Variants in GALNT2 observed in about 807,000 individuals in gnomAD.
GALNT2 encodes the protein polypeptide N-acetylgalactosaminyltransferase 2, also known as UDP-GalNAc:polypeptide N-acetylgalactosaminyltransferase 2.
In GALNT2, 31 loss-of-function variants were observed where a neutral mutation model predicts 81.4. The ratio of observed to expected loss-of-function variants is 0.38; its 90% CI spans 0.29 to 0.51. The LOEUF (loss-of-function observed/expected upper bound fraction) is 0.51, where lower values mean the gene tolerates loss of function less well. GALNT2 is among the 20% of genes least tolerant of loss of function. The pLI, the probability that GALNT2 is intolerant of heterozygous loss-of-function variation, is 0.87. For missense variants in GALNT2, 629 were observed against 765.7 expected, an observed-to-expected ratio of 0.82 and a Z score of 2.11; for synonymous variants, 303 against 287.4, an observed-to-expected ratio of 1.05 and a Z score of -0.55.
At chr1:230,242,462 G>C (rs940681410) in intron 6 of GALNT2, among the ~76,000 whole-genome samples, 1 of 152,104 alleles carries the variant, frequency 6.6e-6, no homozygotes, top group African/African-American at 2.4e-5. Context: ...CACATAGAAA[G>C]CCCAGCATAT....
intron 1 of GALNT2, among the ~76,000 whole-genome samples, chr1:230,089,565 T>G (rs558574245): frequency 6.6e-6 from 1 of 152,152 alleles, no homozygotes; most frequent in South Asian, 2.1e-4. Flanking sequence ...AAACAGTAAC[T>G]CTCCATTCTC....
At chr1:230,090,220 C>G (rs776162774) in intron 1 of GALNT2, among the ~76,000 whole-genome samples, 1 of 152,208 alleles carries the variant, frequency 6.6e-6, no homozygotes, top group Non-Finnish European at 1.5e-5. Context: ...TAATCCCAGG[C>G]AACCTCTTCT....
chr1:230,161,297 A>G (rs2281722), intron 1 of GALNT2, among the ~76,000 whole-genome samples: 8,794 of 152,268 alleles, frequency 0.058, 771 homozygotes, highest in East Asian at 0.4. Flanking sequence ...CCCCAGTAGC[A>G]TAGACCAGCT....
At chr1:230,244,411 T>A (rs1665300961) in intron 7 of GALNT2, among the ~76,000 whole-genome samples, 1 of 152,128 alleles carries the variant, frequency 6.6e-6, no homozygotes, top group Non-Finnish European at 1.5e-5. Flanking sequence ...AATCCCTATC[T>A]GAGCCCCTCT....
At chr1:230,145,100 G>A (rs1661873276) in intron 1 of GALNT2, among the ~76,000 whole-genome samples, 1 of 151,780 alleles carries the variant, frequency 6.6e-6, no homozygotes, top group Admixed American at 6.6e-5. Flanking sequence ...GCATCTGCAG[G>A]CTCTCACTCA....
At chr1:230,227,987 A>T (rs1664765286) in intron 3 of GALNT2, among the ~76,000 whole-genome samples, 1 of 152,224 alleles carries the variant, frequency 6.6e-6, no homozygotes, top group Non-Finnish European at 1.5e-5. Context: ...ACTGACTATC[A>T]GAACAAATAA....
intron 2 of GALNT2, among the ~76,000 whole-genome samples, chr1:230,191,616 G>A (rs1332084918): frequency 2.6e-5 from 4 of 152,198 alleles, no homozygotes; most frequent in Admixed American, 2.0e-4. Flanking sequence ...GGCTTAAGCA[G>A]TCCTCCTGCT....
intron 14 of GALNT2, among the ~76,000 whole-genome samples, chr1:230,266,097 G>A (rs559292682): frequency 1.3e-5 from 2 of 152,318 alleles, no homozygotes; most frequent in South Asian, 4.1e-4. Context: ...GAGAGGCTGA[G>A]GCAGGAGAAT....
intron 14 of GALNT2, 86 bp downstream of exon 14, chr1:230,265,453 A>T: frequency 6.4e-7 from 1 of 1,574,394 alleles, no homozygotes; most frequent in Admixed American, 1.7e-5. Flanking sequence ...CCCAGCTGCC[A>T]CCTTTCTCCT....
At chr1:230,062,033 CTTAT>C (rs547569623) in intron 1 of GALNT2, among the ~76,000 whole-genome samples, 5 of 152,058 alleles carry the variant, frequency 3.3e-5, no homozygotes, top group Admixed American at 1.3e-4. Flanking sequence ...GGACGTCTTC[CTTAT>C]TTATTTATTT....
chr1:230,171,565 C>G (rs1662795435), intron 1 of GALNT2, among the ~76,000 whole-genome samples: 1 of 152,178 alleles, frequency 6.6e-6, no homozygotes, highest in Non-Finnish European at 1.5e-5. Flanking sequence ...AATAATTTAA[C>G]AGTGACAACA....
At chr1:230,182,312 A>G (rs563433217) in intron 2 of GALNT2, among the ~76,000 whole-genome samples, 3 of 152,068 alleles carry the variant, frequency 2.0e-5, no homozygotes, top group Non-Finnish European at 4.4e-5. Flanking sequence ...TTCAAGTAGA[A>G]TCTTAGATGA....
chr1:230,281,534 C>G lies in GALNT2; in HGVS notation c.*2076C>G, dbSNP rs1233656761. The G allele has an allele frequency of 6.6e-6, 1 of 152,324 alleles. No individual in the cohort carries two copies. The highest frequency in any genetic ancestry group is 1.5e-5 in the Non-Finnish European group (1 of 68,068). 9.4% of individuals were successfully genotyped at this position (152,324 alleles called of 1,614,324 possible). ...TAAGGAGGGAAATGGATGAATCTGG[C>G]TCGTTTTAAAATCACGTTTTCTGAC... On this transcript the variant is annotated 3_prime_UTR_variant, in exon 16 of 16. Transcript: ENST00000366672.
chr1:230,262,627 T>C lies in GALNT2; in HGVS notation c.1191T>C (p.Tyr397=). 6.2e-7 allele frequency: 1 copy of C among 1,614,040 alleles called. No individual in the cohort carries two copies. Among genetic ancestry groups the C allele is most frequent in the South Asian group, 1.1e-5 (1 of 91,078 alleles). Residue 397 remains tyrosine (Y), a synonymous_variant, in exon 12 of 16, where the codon TAT becomes TAC. Coordinates refer to ENST00000366672, the MANE Select transcript of GALNT2 (RefSeq NM_004481.5). ...TGGATGAATACAAAAATTTCTATTA[T>C]GCAGCAGTGCCTTCTGCTAGAAACG... ...VWMDEYKNFY[Y]AAVPSARNVP...
intron 1 of GALNT2, among the ~76,000 whole-genome samples, chr1:230,170,615 G>A (rs1276657317): frequency 1.3e-5 from 2 of 152,060 alleles, no homozygotes; most frequent in Non-Finnish European, 2.9e-5. Context: ...GGGTAATTTA[G>A]AAAGAAAAAA....
chr1:230,203,254 G>T lies in GALNT2; in HGVS notation c.338G>T (p.Arg113Leu), dbSNP rs749888628. The change falls in exon 3 of 16, where the codon CGA becomes CTA. Residue 113 changes from arginine to leucine, a missense_variant. This residue lies in a region of GALNT2 where 360 missense variants were observed against 492.8 expected (regional missense o/e 0.73). Transcript: ENST00000366672. ...AACCAGGTGGAGAGTGATAAGCTTCGAATGGACAGAGCCATCCCTGACACC... is the reference window on the plus strand; with the variant it reads ...AACCAGGTGGAGAGTGATAAGCTTCTAATGGACAGAGCCATCCCTGACACC... ...KFNQVESDKL[R>L]MDRAIPDTRH... is the part of the protein sequence containing the mutation. The T allele has an allele frequency of 1.2e-6, 2 of 1,613,994 alleles. No individual in the cohort carries two copies. Among genetic ancestry groups the T allele is most frequent in the East Asian group, 2.2e-5 (1 of 44,898 alleles).
chr1:230,252,843 C>T (rs201057142), intron 10 of GALNT2, among the ~76,000 whole-genome samples: 37 of 78,910 alleles, frequency 4.7e-4, no homozygotes, highest in African/African-American at 7.7e-4. Flanking sequence ...GAGACAACTT[C>T]TTTTTTTTTT....
At chr1:230,116,817 G>A (rs1057448347) in intron 1 of GALNT2, among the ~76,000 whole-genome samples, 6 of 152,206 alleles carry the variant, frequency 3.9e-5, no homozygotes, top group African/African-American at 1.4e-4. Flanking sequence ...ATAGAGCACA[G>A]GCAGAGTAGA....
rs556398263 is a variant in GALNT2, at chr1:230,150,133, T to C, written c.127-28085T>C. ...TAGGAGGGTGCTCTCCATTCCTGGA[T>C]GCGGAGCCCATGAGTGGCTTAAAAG... On this transcript the variant is annotated intron_variant, in intron 1 of 15. Coordinates refer to ENST00000366672, the MANE Select transcript of GALNT2 (RefSeq NM_004481.5). Among the ~76,000 whole-genome samples the C allele has an allele frequency of 1.4e-4, 22 of 152,324 alleles. No homozygotes were observed. In the South Asian group the frequency reaches 4.3e-3, roughly 30 times the overall value.
Sources: allele counts gnomAD v4.1 joint callset (sites outside exome capture counted in the v4.1 genomes callset), GRCh38; gene constraint gnomAD v4.1.1; regional missense constraint gnomAD v4.1.1; transcripts MANE v1.5; gene names NCBI Gene and HGNC (gene_info 2026-07-23, HGNC 2026-07-21).